The following TGFBR2 variants were observed in gnomAD, a reference collection of about 807,000 sequenced individuals.
TGFBR2 encodes the protein transforming growth factor beta receptor 2.
Under a neutral mutation model 49.0 loss-of-function variants are expected in TGFBR2, and 18 were observed. That is an observed-to-expected ratio of 0.37 (90% confidence interval 0.25 to 0.54). The LOEUF is 0.54. Ranked by LOEUF, TGFBR2 falls within the 20% of genes least tolerant of loss-of-function variation. The pLI is 0.85. For synonymous variants in TGFBR2, 282 were observed against 275.9 expected, an observed-to-expected ratio of 1.02 and a Z score of -0.22; for missense variants, 525 against 722.6, an observed-to-expected ratio of 0.73 and a Z score of 3.13.
At chr3:30,659,802 A>G (rs1699082589) in intron 3 of TGFBR2, among the ~76,000 whole-genome samples, 1 of 151,880 alleles carries the variant, frequency 6.6e-6, no homozygotes, top group African/African-American at 2.4e-5. Context: ...CATGTGTTCC[A>G]TAAACTCCAC....
At chr3:30,651,489 T>C (rs1280498236) in intron 3 of TGFBR2, among the ~76,000 whole-genome samples, 2 of 152,346 alleles carry the variant, frequency 1.3e-5, no homozygotes. Flanking sequence ...GCAACACTTT[T>C]TTATACCCAA....
At chr3:30,681,197 A>G (rs546766951) in intron 5 of TGFBR2, among the ~76,000 whole-genome samples, 1 of 151,970 alleles carries the variant, frequency 6.6e-6, no homozygotes, top group South Asian at 2.1e-4. Flanking sequence ...AATGAACCAA[A>G]AAGAAAGGGA....
At chr3:30,636,900 T>TA (rs1350182553) in intron 1 of TGFBR2, among the ~76,000 whole-genome samples, 1 of 151,762 alleles carries the variant, frequency 6.6e-6, no homozygotes, top group Non-Finnish European at 1.5e-5. Context: ...CCGTCTCTAC[T>TA]AAAAATACAA....
At chr3:30,640,379 A>G (rs1412069604) in intron 1 of TGFBR2, among the ~76,000 whole-genome samples, 1 of 152,190 alleles carries the variant, frequency 6.6e-6, no homozygotes, top group Admixed American at 6.5e-5. Context: ...GTCTATAGGA[A>G]TCGAAGTACA....
At chr3:30,652,947 C>A (rs942197152) in intron 3 of TGFBR2, among the ~76,000 whole-genome samples, 3 of 152,200 alleles carry the variant, frequency 2.0e-5, no homozygotes, top group African/African-American at 4.8e-5. Context: ...TCATCATGGG[C>A]ATCCCTCATA....
intron 3 of TGFBR2, among the ~76,000 whole-genome samples, chr3:30,661,161 A>G (rs1040494328): frequency 2.6e-5 from 4 of 152,238 alleles, no homozygotes; most frequent in African/African-American, 7.2e-5. Context: ...CCAGCCAGAA[A>G]AAGAATTAAA....
At chr3:30,630,516 G>A (rs565375578) in intron 1 of TGFBR2, among the ~76,000 whole-genome samples, 32 of 152,182 alleles carry the variant, frequency 2.1e-4, no homozygotes, top group Non-Finnish European at 4.1e-4. Flanking sequence ...CTGTGTGCAT[G>A]GTTCTCATTT....
intron 1 of TGFBR2, chr3:30,623,266 G>A (rs1698268133): frequency 6.2e-7 from 1 of 1,613,824 alleles, no homozygotes; most frequent in Admixed American, 1.7e-5. Flanking sequence ...CCCATCCACT[G>A]AGACATAGTA....
At chr3:30,622,022 T>C (rs1698240311) in intron 1 of TGFBR2, among the ~76,000 whole-genome samples, 1 of 152,230 alleles carries the variant, frequency 6.6e-6, no homozygotes, top group Non-Finnish European at 1.5e-5. Context: ...GTCAAAACAA[T>C]TTTGTTCTTC....
intron 1 of TGFBR2, among the ~76,000 whole-genome samples, chr3:30,614,323 T>G (rs986844061): frequency 1.3e-5 from 2 of 152,122 alleles, no homozygotes; most frequent in African/African-American, 4.8e-5. Flanking sequence ...TTAGAAGATA[T>G]AAGATTGTCA....
At chr3:30,681,563 G>A (rs902824454) in intron 5 of TGFBR2, among the ~76,000 whole-genome samples, 4 of 152,176 alleles carry the variant, frequency 2.6e-5, no homozygotes, top group South Asian at 2.1e-4. Flanking sequence ...AGGGCCGGGC[G>A]GTTGCGGGTG....
intron 5 of TGFBR2, among the ~76,000 whole-genome samples, chr3:30,688,005 C>T (rs902993439): frequency 6.6e-6 from 1 of 152,130 alleles, no homozygotes; most frequent in Non-Finnish European, 1.5e-5. Flanking sequence ...GCTCACAAAC[C>T]ATTGTAATAC....
intron 5 of TGFBR2, 60 bp downstream of exon 5, chr3:30,674,306 G>A (rs1699395493): frequency 6.2e-7 from 1 of 1,600,790 alleles, no homozygotes; most frequent in Middle Eastern, 1.9e-4. Context: ...AAGATCATGT[G>A]TTGCTTCGAG....
chr3:30,615,142 T>C (rs1267755523), intron 1 of TGFBR2, among the ~76,000 whole-genome samples: 1 of 152,224 alleles, frequency 6.6e-6, no homozygotes. Context: ...TTAGGTATTC[T>C]GAGTAAAACA....
chr3:30,626,839 G>T (rs545889873), intron 1 of TGFBR2: 1 of 152,234 alleles, frequency 6.6e-6, no homozygotes, highest in South Asian at 2.1e-4. Flanking sequence ...GATAGATCTG[G>T]TAGGGAGGTA....
chr3:30,623,224 T>C (rs1165034765), intron 1 of TGFBR2: 1 of 1,604,690 alleles, frequency 6.2e-7, no homozygotes, highest in South Asian at 1.1e-5. Flanking sequence ...CCCAGAAAGA[T>C]GAAATCATCT....
intron 1 of TGFBR2, among the ~76,000 whole-genome samples, chr3:30,630,975 G>A (rs919739840): frequency 1.3e-5 from 2 of 151,388 alleles, no homozygotes; most frequent in Non-Finnish European, 2.9e-5. Flanking sequence ...ATTTTGTATG[G>A]CAGCCAAACA....
intron 1 of TGFBR2, among the ~76,000 whole-genome samples, chr3:30,607,835 AT>A (rs1697956990): frequency 7.9e-6 from 1 of 126,110 alleles, no homozygotes; most frequent in African/African-American, 4.3e-5. Flanking sequence ...AAATATATAT[AT>A]AATTATATAT....
chr3:30,691,462 C>T lies in TGFBR2; in HGVS notation c.1567C>T (p.His523Tyr), dbSNP rs775441401. 1 of 1,614,086 alleles carries T rather than the reference C, an allele frequency of 6.2e-7. No individual in the cohort carries two copies. Among genetic ancestry groups the T allele is most frequent in the East Asian group, 2.2e-5 (1 of 44,872 alleles). Residue 523 changes from histidine (H) to tyrosine (Y), a missense_variant, in exon 7 of 7, where the codon CAC becomes TAC. Coordinates refer to ENST00000295754, the MANE Select transcript of TGFBR2 (RefSeq NM_003242.6). ...TGAGACGTTGACTGAGTGCTGGGAC[C>T]ACGACCCAGAGGCCCGTCTCACAGC... is the stretch of plus-strand genomic sequence containing the variant. ...VCETLTECWD[H>Y]DPEARLTAQC...
Sources: gnomAD v4.1 joint callset for allele counts (sites outside exome capture counted in the v4.1 genomes callset) on GRCh38, gnomAD v4.1.1 for gene constraint, MANE v1.5 for transcripts, NCBI Gene and HGNC (gene_info 2026-07-23, HGNC 2026-07-21) for gene names.